The following SUPT3H variants were observed in gnomAD, a reference collection of about 807,000 sequenced individuals.
SUPT3H encodes the protein SPT3 homolog, SAGA and STAGA complex component, also known as transcription initiation protein SPT3 homolog.
A neutral mutation model predicts 44.3 loss-of-function variants in SUPT3H; 44 were observed. That is an observed-to-expected ratio of 0.99 (90% CI 0.78 to 1.28). SUPT3H has a LOEUF of 1.28. Among genes scored for constraint, SUPT3H ranks in the 50% most tolerant of loss-of-function variants. The pLI, the probability that SUPT3H is intolerant of heterozygous loss-of-function variation, is 0.00. For missense variants in SUPT3H, 380 were observed against 387.1 expected (o/e 0.98, Z 0.15); for synonymous variants, 124 against 125.6 (o/e 0.99, Z 0.09).
chr6:44,978,012 T>C (rs186027639), intron 6 of SUPT3H, among the ~76,000 whole-genome samples: 83 of 152,296 alleles, frequency 5.4e-4, no homozygotes, highest in African/African-American at 1.8e-3. Context: ...ATTATCATAG[T>C]GCCTACTGAA....
intron 10 of SUPT3H, among the ~76,000 whole-genome samples, chr6:44,895,846 C>T (rs568288880): frequency 6.6e-6 from 1 of 151,854 alleles, no homozygotes; most frequent in South Asian, 2.1e-4. Context: ...TTCTCTTTAT[C>T]CAAATAAGTA....
chr6:45,118,084 G>C (rs1194656464), intron 2 of SUPT3H, among the ~76,000 whole-genome samples: 1 of 152,036 alleles, frequency 6.6e-6, no homozygotes, highest in Non-Finnish European at 1.5e-5. Context: ...TTTTACTTTA[G>C]TATAAAGTCT....
intron 10 of SUPT3H, among the ~76,000 whole-genome samples, chr6:44,891,066 C>G (rs1009613952): frequency 6.6e-6 from 1 of 152,018 alleles, no homozygotes; most frequent in Admixed American, 6.6e-5. Context: ...CACCATGGCA[C>G]ATGTATACCT....
At chr6:45,224,606 C>T (rs563376115) in intron 2 of SUPT3H, among the ~76,000 whole-genome samples, 62 of 152,024 alleles carry the variant, frequency 4.1e-4, no homozygotes, top group African/African-American at 1.4e-3. Context: ...GGTGAAATCT[C>T]GTCTCTACTA....
chr6:44,821,420 G>GA (rs995511080), intron 11 of SUPT3H, among the ~76,000 whole-genome samples: 1 of 152,164 alleles, frequency 6.6e-6, no homozygotes, highest in African/African-American at 2.4e-5. Flanking sequence ...CCAACTGAAA[G>GA]AAAACCACAT....
chr6:45,081,170 T>C (rs1040020698), intron 3 of SUPT3H, among the ~76,000 whole-genome samples: 1 of 151,840 alleles, frequency 6.6e-6, no homozygotes, highest in Admixed American at 6.6e-5. Flanking sequence ...GAGAGTGAAA[T>C]TGACAGAGAG....
intron 2 of SUPT3H, among the ~76,000 whole-genome samples, chr6:45,203,884 C>G (rs1020269175): frequency 3.3e-5 from 5 of 152,158 alleles, no homozygotes; most frequent in Admixed American, 6.6e-5. Flanking sequence ...TCTACTTAAA[C>G]TCTGAACTAC....
chr6:44,912,253 C>T (rs1767168608), intron 10 of SUPT3H, among the ~76,000 whole-genome samples: 2 of 152,204 alleles, frequency 1.3e-5, no homozygotes, highest in Non-Finnish European at 2.9e-5. Flanking sequence ...TCTTCCCCCA[C>T]TGCTGTAGCT....
At chr6:45,174,331 G>A (rs62436781) in intron 2 of SUPT3H, among the ~76,000 whole-genome samples, 29,180 of 152,108 alleles carry the variant, frequency 0.19, 3,622 homozygotes, top group Non-Finnish European at 0.28. Context: ...GAAGTGTATC[G>A]CCTTTCTCTA....
intron 2 of SUPT3H, among the ~76,000 whole-genome samples, chr6:45,115,515 T>C (rs115948576): frequency 0.019 from 2,960 of 152,264 alleles, 56 homozygotes; most frequent in South Asian, 0.085. Flanking sequence ...TTAAACGTAT[T>C]TACTGTGTAT....
At chr6:45,094,528 G>C (rs148634398) in intron 3 of SUPT3H, among the ~76,000 whole-genome samples, 160 of 152,222 alleles carry the variant, frequency 1.1e-3, no homozygotes, top group African/African-American at 3.6e-3. Context: ...TTAAGAGTGG[G>C]AGAAAGGACT....
intron 2 of SUPT3H, among the ~76,000 whole-genome samples, chr6:45,181,913 C>T (rs9463075): frequency 0.62 from 94,546 of 151,348 alleles, 30,273 homozygotes; most frequent in African/African-American, 0.78. Flanking sequence ...TAAAACTATA[C>T]CTTGTCTAAT....
intron 10 of SUPT3H, among the ~76,000 whole-genome samples, chr6:44,877,697 C>A (rs899003334): frequency 1.3e-5 from 2 of 152,138 alleles, no homozygotes; most frequent in Non-Finnish European, 2.9e-5. Flanking sequence ...CCTAAGATTG[C>A]ATTTCTCATG....
intron 3 of SUPT3H, among the ~76,000 whole-genome samples, chr6:45,064,730 T>C (rs1338016472): frequency 7.3e-6 from 1 of 136,598 alleles, no homozygotes; most frequent in African/African-American, 2.8e-5. Context: ...TACATAATGG[T>C]AAAGGGATCA....
intron 3 of SUPT3H, among the ~76,000 whole-genome samples, chr6:45,103,667 C>A (rs1014616146): frequency 6.6e-6 from 1 of 152,042 alleles, no homozygotes; most frequent in Non-Finnish European, 1.5e-5. Flanking sequence ...TGGAGAAACA[C>A]TAAAGGCCCT....
At chr6:45,049,238 G>A (rs186123479) in intron 3 of SUPT3H, among the ~76,000 whole-genome samples, 5 of 152,214 alleles carry the variant, frequency 3.3e-5, no homozygotes, top group Admixed American at 6.5e-5. Flanking sequence ...TTCAGCCACC[G>A]ATCTGCTTCC....
chr6:44,990,003 A>G (rs980882181), intron 6 of SUPT3H, among the ~76,000 whole-genome samples: 1 of 152,044 alleles, frequency 6.6e-6, no homozygotes, highest in African/African-American at 2.4e-5. Flanking sequence ...TTAGAGTGAT[A>G]TAGTCCAAAT....
At chr6:44,870,770 G>A (rs1317848037) in intron 10 of SUPT3H, among the ~76,000 whole-genome samples, 2 of 150,694 alleles carry the variant, frequency 1.3e-5, no homozygotes, top group Non-Finnish European at 3.0e-5. Flanking sequence ...CCAGAGAGTG[G>A]GCGCAGGCCA....
At chr6:44,990,239 A>T (rs550574781) in intron 6 of SUPT3H, among the ~76,000 whole-genome samples, 64 of 152,102 alleles carry the variant, frequency 4.2e-4, no homozygotes, top group African/African-American at 1.5e-3. Flanking sequence ...TGAAGAGACT[A>T]TCCTTTCCCC....
Sources: allele counts gnomAD v4.1 joint callset (sites outside exome capture counted in the v4.1 genomes callset), GRCh38; gene constraint gnomAD v4.1.1; transcripts MANE v1.5; gene names NCBI Gene and HGNC (gene_info 2026-07-23, HGNC 2026-07-21).